TSGA10: variants seen among roughly 807,000 people sequenced by gnomAD.
TSGA10 encodes the protein testis specific 10.
TSGA10 carries 43 observed loss-of-function variants against 96.6 expected under a neutral mutation model. The ratio of observed to expected loss-of-function variants is 0.44; its 90% CI spans 0.35 to 0.57. The LOEUF is 0.57. Ranked by LOEUF, TSGA10 falls within the 20% of genes least tolerant of loss-of-function variation. TSGA10 has a pLI of 0.01. For synonymous variants in TSGA10, 229 were observed against 269.9 expected, an observed-to-expected ratio of 0.85 and a Z score of 1.48; for missense variants, 703 against 834.4, an observed-to-expected ratio of 0.84 and a Z score of 1.94.
At chr2:99,141,197 T>C in intron 1 of TSGA10, 2 of 1,174,250 alleles carry the variant, frequency 1.7e-6, no homozygotes, top group Non-Finnish European at 2.2e-6. Context: ...CCACTCTCCA[T>C]CCTCCGCCCC....
chr2:99,046,335 T>C (rs1356111723), intron 16 of TSGA10, among the ~76,000 whole-genome samples: 2 of 152,146 alleles, frequency 1.3e-5, no homozygotes, highest in Non-Finnish European at 2.9e-5. Context: ...AAAGCACTCC[T>C]TAGCAAATGT....
Position 99,022,702 on chromosome 2 carries a change from T to C in TSGA10, c.1615-2220A>G, listed in dbSNP as rs553296756. Among the ~76,000 whole-genome samples the C allele has an allele frequency of 2.6e-5, 4 of 152,332 alleles. No homozygotes were observed. In the East Asian group the frequency reaches 5.8e-4, roughly 22 times the overall value. On this transcript the variant is annotated intron_variant, in intron 17 of 20. Coordinates refer to ENST00000393483, the MANE Select transcript of TSGA10 (RefSeq NM_025244.4). ...CATGTTTTCATTCCTCTTGAATAGA[T>C]AGAAGTGACATTTATGAGCTGTAAG...
intron 16 of TSGA10, among the ~76,000 whole-genome samples, chr2:99,063,935 A>T (rs1293889549): frequency 6.6e-6 from 1 of 152,216 alleles, no homozygotes; most frequent in Non-Finnish European, 1.5e-5. Flanking sequence ...AAGAAACATG[A>T]AAAGGTCCTC....
chr2:99,036,635 A>AT (rs2081652646), intron 16 of TSGA10, among the ~76,000 whole-genome samples: 1 of 152,188 alleles, frequency 6.6e-6, no homozygotes, highest in Non-Finnish European at 1.5e-5. Flanking sequence ...GCAATAAATT[A>AT]AAGATACTTA....
chr2:99,129,266 CATTT>C (rs1161865269), intron 1 of TSGA10, among the ~76,000 whole-genome samples: 1 of 152,146 alleles, frequency 6.6e-6, no homozygotes, highest in Admixed American at 6.5e-5. Flanking sequence ...CTTCCTCACA[CATTT>C]ATTAGACTCT....
intron 2 of TSGA10, among the ~76,000 whole-genome samples, chr2:99,119,086 G>A (rs1426797563): frequency 2.0e-5 from 3 of 152,036 alleles, no homozygotes; most frequent in African/African-American, 7.2e-5. Flanking sequence ...TTCTTGCCCT[G>A]AGGTTGCCCT....
At chr2:99,150,492 TGAA>T (rs1431259920) in intron 1 of TSGA10, 1 of 1,535,628 alleles carries the variant, frequency 6.5e-7, no homozygotes, top group South Asian at 1.2e-5. Context: ...GTAATCAAGT[TGAA>T]GAAACACTTC....
At chr2:99,153,131 T>C (rs952013685) in intron 1 of TSGA10, among the ~76,000 whole-genome samples, 10 of 152,046 alleles carry the variant, frequency 6.6e-5, no homozygotes, top group African/African-American at 2.4e-4. Flanking sequence ...GACAGGGTAA[T>C]GTCAAAGTTG....
At chr2:99,053,105 T>TAA (rs569710768) in intron 16 of TSGA10, among the ~76,000 whole-genome samples, 1 of 149,558 alleles carries the variant, frequency 6.7e-6, no homozygotes, top group Non-Finnish European at 1.5e-5. Context: ...AGTTAAGATT[T>TAA]AAAAAAAAAA....
intron 20 of TSGA10, among the ~76,000 whole-genome samples, chr2:99,001,419 A>G (rs1006822869): frequency 5.9e-5 from 9 of 152,206 alleles, no homozygotes; most frequent in African/African-American, 2.2e-4. Context: ...ACTAACAAAC[A>G]GAAAGGAATA....
At chr2:99,114,105 T>C (rs991291903) in intron 4 of TSGA10, among the ~76,000 whole-genome samples, 1 of 152,192 alleles carries the variant, frequency 6.6e-6, no homozygotes, top group Non-Finnish European at 1.5e-5. Context: ...TTTAATACTA[T>C]CTCAATTCCA....
intron 11 of TSGA10, among the ~76,000 whole-genome samples, chr2:99,080,991 T>C (rs1032066255): frequency 2.6e-5 from 4 of 152,166 alleles, no homozygotes; most frequent in Non-Finnish European, 5.9e-5. Flanking sequence ...CAAGCTACAA[T>C]ATTACACAAA....
chr2:99,147,245 TC>T (rs1486672905), intron 1 of TSGA10: 3 of 469,174 alleles, frequency 6.4e-6, no homozygotes, highest in African/African-American at 5.9e-5. Context: ...AAGAGATCTT[TC>T]CACCTTGGCC....
At chr2:99,053,506 A>T (rs2083620730) in intron 16 of TSGA10, among the ~76,000 whole-genome samples, 1 of 152,210 alleles carries the variant, frequency 6.6e-6, no homozygotes, top group Non-Finnish European at 1.5e-5. Flanking sequence ...ATGAAGGATA[A>T]AAGTCGTATG....
intron 2 of TSGA10, among the ~76,000 whole-genome samples, chr2:99,120,775 TACC>T (rs1431919546): frequency 6.6e-6 from 1 of 152,058 alleles, no homozygotes; most frequent in Non-Finnish European, 1.5e-5. Flanking sequence ...TCTCTGTAAC[TACC>T]ACCTCAAGAT....
chr2:99,073,066 G>A lies in TSGA10; in HGVS notation c.890C>T (p.Thr297Ile), dbSNP rs1243833748. ...LGESLAMKEK[T>I]ISGMKNIIAE... The stretch of plus-strand genomic sequence containing the variant: ...AATGATATTCTTCATGCCTGAAATG[G>A]TCTTTTCCTTGAAAAATAATATAAG... The change falls in exon 13 of 21, where the codon ACC (threonine) becomes ATC (isoleucine). Residue 297 changes from threonine to isoleucine, a missense_variant. Transcript: ENST00000393483. 3.1e-6 allele frequency: 5 copies of A among 1,594,996 alleles called. No homozygotes were observed. Among genetic ancestry groups the A allele is most frequent in the Non-Finnish European group, 8.6e-7 (1 of 1,166,414 alleles).
chr2:99,142,962 G>T (rs188189641), intron 1 of TSGA10, among the ~76,000 whole-genome samples: 2 of 151,976 alleles, frequency 1.3e-5, no homozygotes, highest in Admixed American at 6.6e-5. Flanking sequence ...AGATTATTTG[G>T]AAAGAATATA....
chr2:99,010,103 G>C (rs1225349781), intron 20 of TSGA10, among the ~76,000 whole-genome samples: 3 of 152,048 alleles, frequency 2.0e-5, no homozygotes, highest in Non-Finnish European at 2.9e-5. Context: ...TACTTTCCTA[G>C]AACATATAAA....
chr2:99,042,040 A>ATT (rs5832865), intron 16 of TSGA10, among the ~76,000 whole-genome samples: 9 of 57,886 alleles, frequency 1.6e-4, no homozygotes, highest in East Asian at 1.3e-3. Context: ...GCCCCCCCAC[A>ATT]TTTTTTTTTT....
Sources: allele counts gnomAD v4.1 joint callset (sites outside exome capture counted in the v4.1 genomes callset), GRCh38; gene constraint gnomAD v4.1.1; transcripts MANE v1.5; gene names NCBI Gene and HGNC (gene_info 2026-07-23, HGNC 2026-07-21).